TRAPPC8: variants seen among roughly 807,000 people sequenced by gnomAD.
TRAPPC8 encodes the protein general sporulation gene 1 homolog.
TRAPPC8 carries 54 observed loss-of-function variants against 174.3 expected under a neutral mutation model. The ratio of observed to expected loss-of-function variants is 0.31; its 90% CI spans 0.25 to 0.39. The LOEUF (loss-of-function observed/expected upper bound fraction) is 0.39, where lower values mean the gene tolerates loss of function less well. Ranked by LOEUF, TRAPPC8 falls within the 10% of genes least tolerant of loss-of-function variation. The pLI, the probability that TRAPPC8 is intolerant of heterozygous loss-of-function variation, is 1.00. For missense variants in TRAPPC8, 1,531 were observed against 1,699.1 expected (o/e 0.90, Z 1.74); for synonymous variants, 630 against 579.9 (o/e 1.09, Z -1.24).
At chr18:31,908,696 CTTAAA>C (rs2036770860) in intron 7 of TRAPPC8, 53 bp downstream of exon 7, 2 of 1,423,960 alleles carry the variant, frequency 1.4e-6, no homozygotes, top group African/African-American at 2.9e-5. Context: ...TTTAATAATT[CTTAAA>C]TTTACTATTT....
At chr18:31,912,692 G>A (rs2036968165) in intron 5 of TRAPPC8, among the ~76,000 whole-genome samples, 1 of 151,602 alleles carries the variant, frequency 6.6e-6, no homozygotes, top group Non-Finnish European at 1.5e-5. Flanking sequence ...AAAAATGTAG[G>A]GAGCAACCCC....
chr18:31,864,920 A>T, intron 18 of TRAPPC8, 139 bp from the exon 19 acceptor site: 1 of 771,108 alleles, frequency 1.3e-6, no homozygotes, highest in Non-Finnish European at 2.0e-6. Context: ...TGATTAATCA[A>T]AGAATTTAGT....
chr18:31,833,699 G>A (rs983083528), intron 27 of TRAPPC8, among the ~76,000 whole-genome samples: 6 of 152,120 alleles, frequency 3.9e-5, no homozygotes, highest in African/African-American at 1.4e-4. Context: ...GGTCTGGAGT[G>A]TGGCCCAAAC....
At chr18:31,884,416 A>C (rs1175595875) in intron 12 of TRAPPC8, among the ~76,000 whole-genome samples, 1 of 152,182 alleles carries the variant, frequency 6.6e-6, no homozygotes, top group African/African-American at 2.4e-5. Context: ...ATGTGTGTGT[A>C]TATATTTATG....
intron 1 of TRAPPC8, among the ~76,000 whole-genome samples, chr18:31,934,479 G>A (rs1337370690): frequency 6.6e-6 from 1 of 152,080 alleles, no homozygotes; most frequent in Non-Finnish European, 1.5e-5. Context: ...TTCCCAGTCA[G>A]TCTAATTATG....
intron 24 of TRAPPC8, among the ~76,000 whole-genome samples, chr18:31,851,407 G>C (rs930777259): frequency 1.3e-5 from 2 of 152,070 alleles, no homozygotes; most frequent in Non-Finnish European, 2.9e-5. Flanking sequence ...TAGAACCTCA[G>C]GTTCTACCCA....
intron 26 of TRAPPC8, among the ~76,000 whole-genome samples, chr18:31,840,412 TGAGA>T (rs1233436727): frequency 6.7e-6 from 1 of 149,786 alleles, no homozygotes. Context: ...TTGGGGAGGG[TGAGA>T]GAGAGAGAAA....
chr18:31,887,294 A>C (rs2035759290), intron 12 of TRAPPC8, among the ~76,000 whole-genome samples: 1 of 152,198 alleles, frequency 6.6e-6, no homozygotes, highest in African/African-American at 2.4e-5. Flanking sequence ...ACAAAATTCA[A>C]CATCTCTTCA....
intron 8 of TRAPPC8, among the ~76,000 whole-genome samples, 185 bp downstream of exon 8, chr18:31,908,118 T>C (rs2036743275): frequency 6.6e-6 from 1 of 152,216 alleles, no homozygotes; most frequent in Admixed American, 6.5e-5. Flanking sequence ...TGTTTTTAGA[T>C]GTCCAATTAC....
Position 31,938,292 on chromosome 18 carries a change from T to C in TRAPPC8, c.157+4316A>G, listed in dbSNP as rs139662877. Among the ~76,000 whole-genome samples the C allele has an allele frequency of 6.6e-5, 10 of 152,062 alleles. No individual in the cohort carries two copies. In the South Asian group the frequency reaches 1.7e-3, roughly 25 times the overall value. On this transcript the variant is annotated intron_variant, in intron 1 of 28. Coordinates refer to ENST00000283351, the MANE Select transcript of TRAPPC8 (RefSeq NM_014939.5). ...CTCAAAATTTGTGTCAAACAATGAC[T>C]ACATTAACTCTCAAACATACATCAA...
At chr18:31,929,356 T>C (rs959393905) in intron 2 of TRAPPC8, among the ~76,000 whole-genome samples, 1 of 151,940 alleles carries the variant, frequency 6.6e-6, no homozygotes, top group African/African-American at 2.4e-5. Context: ...TGAGACCCTG[T>C]CTCTACAAAA....
chr18:31,918,882 A>G (rs1260095307), intron 2 of TRAPPC8, among the ~76,000 whole-genome samples: 2 of 152,314 alleles, frequency 1.3e-5, no homozygotes, highest in Middle Eastern at 3.4e-3. Context: ...CAGATTATCT[A>G]TATCACAGTT....
At chr18:31,932,767 A>C (rs1265089329) in intron 1 of TRAPPC8, among the ~76,000 whole-genome samples, 1 of 151,424 alleles carries the variant, frequency 6.6e-6, no homozygotes, top group African/African-American at 2.4e-5. Flanking sequence ...GGATCACCTG[A>C]GGTCAGGAGT....
chr18:31,933,474 G>T (rs1044488708), intron 1 of TRAPPC8, among the ~76,000 whole-genome samples: 3 of 152,096 alleles, frequency 2.0e-5, no homozygotes, highest in African/African-American at 7.2e-5. Flanking sequence ...CTACTTCACG[G>T]GATCATTTTA....
At chr18:31,910,835 T>G (rs2036873645) in intron 5 of TRAPPC8, among the ~76,000 whole-genome samples, 1 of 152,248 alleles carries the variant, frequency 6.6e-6, no homozygotes, top group Non-Finnish European at 1.5e-5. Context: ...ATCTTCTTCA[T>G]GTTCCCCTTC....
At chr18:31,908,063 A>G (rs1020351066) in intron 8 of TRAPPC8, among the ~76,000 whole-genome samples, 1 of 152,194 alleles carries the variant, frequency 6.6e-6, no homozygotes, top group Non-Finnish European at 1.5e-5. Context: ...GTCTAACTTC[A>G]TTGTTTTACA....
chr18:31,936,539 C>T (rs746918343), intron 1 of TRAPPC8, among the ~76,000 whole-genome samples: 3 of 152,114 alleles, frequency 2.0e-5, no homozygotes, highest in Non-Finnish European at 4.4e-5. Context: ...GGTACTTCCA[C>T]ACCTTGGAGA....
chr18:31,867,355 C>G (rs534889652), intron 17 of TRAPPC8, 47 bp downstream of exon 17: 13 of 1,331,926 alleles, frequency 9.8e-6, no homozygotes, highest in African/African-American at 4.4e-5. Context: ...TTTGTTTTCA[C>G]CTTACTTTCA....
At position 31,890,880 on chromosome 18, in the gene TRAPPC8, A is replaced by G. The variant is rs943761619; in HGVS notation, c.1597-14T>C. 1 of 1,586,770 alleles carries G rather than the reference A, an allele frequency of 6.3e-7. No individual in the cohort carries two copies. On this transcript the variant is annotated splice_polypyrimidine_tract_variant and intron_variant, in intron 11 of 28. Transcript: ENST00000283351. ...AAGATCAGAATCCTAGTGAATGTTTAAAAGAGAAAAAGGTTAGTTTCACCA... is the reference window on the plus strand; with the variant it reads ...AAGATCAGAATCCTAGTGAATGTTTGAAAGAGAAAAAGGTTAGTTTCACCA...
Sources: gnomAD v4.1 joint callset for allele counts (sites outside exome capture counted in the v4.1 genomes callset) on GRCh38, gnomAD v4.1.1 for gene constraint, MANE v1.5 for transcripts, NCBI Gene and HGNC (gene_info 2026-07-23, HGNC 2026-07-21) for gene names.